The following CELSR1 variants were observed in gnomAD, a reference collection of about 807,000 sequenced individuals.
CELSR1 encodes adhesion G protein-coupled receptor C1.
A neutral mutation model predicts 249.1 loss-of-function variants in CELSR1; 110 were observed. The ratio of observed to expected loss-of-function variants is 0.44; its 90% CI spans 0.38 to 0.52. The LOEUF is 0.52. CELSR1 is among the 20% of genes least tolerant of loss of function. CELSR1 has a pLI of 0.00. For synonymous variants in CELSR1, 2,113 were observed against 1,900.0 expected, an observed-to-expected ratio of 1.11 and a Z score of -2.92; for missense variants, 4,109 against 4,296.4, an observed-to-expected ratio of 0.96 and a Z score of 1.22.
In CELSR1 at chr22:46,453,827, G is replaced by A. The variant is rs1046356420; in HGVS notation, c.4183+9880C>T. Among the ~76,000 whole-genome samples the A allele has an allele frequency of 2.6e-5, 4 of 152,312 alleles. No individual in the cohort carries two copies. The East Asian group carries it at 7.7e-4, about 29-fold the overall frequency. On this transcript the variant is annotated intron_variant, in intron 2 of 34. Coordinates refer to ENST00000674500, the MANE Select transcript of CELSR1 (RefSeq NM_001378328.1). ...CACCACAGCGCCGATGGTGGGACCTGCTCACTACGCATGCCTTCAACAAAT... is the reference window on the plus strand; with the variant it reads ...CACCACAGCGCCGATGGTGGGACCTACTCACTACGCATGCCTTCAACAAAT...
chr22:46,408,949 CG>C lies in CELSR1; in HGVS notation c.5226+46del. 2 of 1,503,256 alleles carry C rather than the reference CG, an allele frequency of 1.3e-6. No individual in the cohort carries two copies. Among genetic ancestry groups the C allele is most frequent in the Admixed American group, 2.2e-5 (1 of 46,062 alleles). 93.1% of individuals were successfully genotyped at this position (1,503,256 alleles called of 1,614,324 possible). A position where few individuals can be genotyped will look rare whatever the true frequency, so the allele number is the denominator to read the frequency against. The stretch of plus-strand genomic sequence containing the variant: ...AAGCCCAGCGCCTGGGTCCCTCCCT[CG>C]GGCACCCACCTAGCAGGTGCCTTGG... On this transcript the variant is annotated intron_variant, in intron 9 of 34. Coordinates refer to ENST00000674500, the MANE Select transcript of CELSR1 (RefSeq NM_001378328.1). This position sits in a 1 kb window ranked among gnomAD's most constrained non-coding sequence, Gnocchi z 4.6.
At chr22:46,459,961 C>T (rs922817182) in intron 2 of CELSR1, among the ~76,000 whole-genome samples, 2 of 152,216 alleles carry the variant, frequency 1.3e-5, no homozygotes, top group Non-Finnish European at 2.9e-5. Flanking sequence ...AAACCCAACA[C>T]TTTGGGAGGC....
intron 1 of CELSR1, among the ~76,000 whole-genome samples, chr22:46,493,087 T>C (rs980511757): frequency 6.6e-6 from 1 of 150,432 alleles, no homozygotes; most frequent in African/African-American, 2.4e-5. Flanking sequence ...CTACAAAAAA[T>C]AAAAGTAAAA....
chr22:46,460,211 A>ACACCCCCCCC (rs1555922665), intron 2 of CELSR1, among the ~76,000 whole-genome samples: 12 of 148,976 alleles, frequency 8.1e-5, no homozygotes, highest in African/African-American at 3.0e-4. Context: ...ACACACACAC[A>ACACCCCCCCC]CACACCCATT....
At chr22:46,364,413 C>CT (rs2078742968) in intron 33 of CELSR1, 99 bp downstream of exon 33, 5 of 1,500,140 alleles carry the variant, frequency 3.3e-6, no homozygotes, top group Non-Finnish European at 4.5e-6. Context: ...CAGGCCCTGA[C>CT]TTGCCCCACC....
intron 1 of CELSR1, among the ~76,000 whole-genome samples, chr22:46,508,464 C>T (rs952480084): frequency 6.1e-5 from 9 of 146,888 alleles, no homozygotes; most frequent in Non-Finnish European, 1.1e-4. Context: ...TGTCCCCTCG[C>T]TGTCCCCTCA....
chr22:46,443,967 C>T (rs531865984), intron 2 of CELSR1, among the ~76,000 whole-genome samples: 10 of 152,348 alleles, frequency 6.6e-5, no homozygotes, highest in African/African-American at 2.2e-4. Context: ...ACAAAGCCAC[C>T]GGGAGAGGCT....
chr22:46,452,652 C>T (rs1457230448), intron 2 of CELSR1, among the ~76,000 whole-genome samples: 8 of 152,244 alleles, frequency 5.3e-5, no homozygotes, highest in East Asian at 1.9e-4. Flanking sequence ...CAAGCCAAGG[C>T]GTGGGCCAGG....
chr22:46,421,249 G>T (rs1055834908), intron 5 of CELSR1, among the ~76,000 whole-genome samples: 3 of 152,178 alleles, frequency 2.0e-5, no homozygotes, highest in Non-Finnish European at 4.4e-5. Flanking sequence ...AGAGAGGGGA[G>T]GGAGGCAGCC....
intron 1 of CELSR1, among the ~76,000 whole-genome samples, chr22:46,489,756 G>A (rs1023636663): frequency 5.9e-5 from 9 of 151,886 alleles, no homozygotes; most frequent in Non-Finnish European, 8.8e-5. Flanking sequence ...CTAGCGGGGC[G>A]TGGTGGTGCA....
intron 2 of CELSR1, chr22:46,462,963 A>T (rs1264467379): frequency 6.5e-6 from 3 of 463,832 alleles, no homozygotes; most frequent in Non-Finnish European, 1.3e-5. Flanking sequence ...TCAAGACCCA[A>T]ATGATTAATG....
Position 46,364,705 on chromosome 22 carries a change from G to GCCGGCC in CELSR1, c.8580_8585dup (p.Ala2861_Gly2862dup), listed in dbSNP as rs781212412. ...TCTCAGCCAGGCTCTGGTCGGGCCA[G>GCCGGCC]CCGGCCGGAACGTGGTTGGCCACAG... On this transcript the variant is annotated inframe_insertion, in exon 33 of 35. Transcript: ENST00000674500. The GCCGGCC allele has an allele frequency of 2.5e-6, 4 of 1,612,442 alleles. No individual in the cohort carries two copies. The Admixed American group carries it at 5.0e-5, about 20-fold the overall frequency.
Position 46,399,734 on chromosome 22 carries a change from C to G in CELSR1, c.5395G>C (p.Asp1799His). The change falls in exon 10 of 35, where the codon GAC becomes CAC. Residue 1799 changes from aspartate (D) to histidine (H), a missense_variant. Coordinates refer to ENST00000674500, the MANE Select transcript of CELSR1 (RefSeq NM_001378328.1). This position sits in a 1 kb window ranked among gnomAD's most constrained non-coding sequence, Gnocchi z 5.0. Reference sequence around the variant, plus strand: ...CAGCTCACCTGGTCCATCCCATAGTCCAAGGTCATGGTGACCAGGTGCTTC... The same window carrying G: ...CAGCTCACCTGGTCCATCCCATAGTGCAAGGTCATGGTGACCAGGTGCTTC... ...EMKHLVTMTL[D>H]YGMDQNKADI... 6.2e-7 allele frequency: 1 copy of G among 1,613,988 alleles called. No individual in the cohort carries two copies. The highest frequency in any genetic ancestry group is 8.5e-7 in the Non-Finnish European group (1 of 1,179,884).
chr22:46,470,705 C>T (rs1451170537), intron 1 of CELSR1, among the ~76,000 whole-genome samples: 1 of 152,134 alleles, frequency 6.6e-6, no homozygotes, highest in Non-Finnish European at 1.5e-5. Context: ...CATCTAAACG[C>T]CACCAGTATG....
At position 46,535,121 on chromosome 22, in the gene CELSR1, C is replaced by T. The variant is rs1455216636; in HGVS notation, c.2050G>A (p.Asp684Asn). ...TAGGTGGGCTGCGTGAACACCGGGT[C>T]GTTGTCATTCACGTCCAGCACCGTG... ...SITVLDVNDNDPVFTQPTYEL... is the reference protein window; with the variant it reads ...SITVLDVNDNNPVFTQPTYEL... The change falls in exon 1 of 35, where the codon GAC becomes AAC. Residue 684 changes from aspartate to asparagine, a missense_variant. Asp to Asn is a conservative substitution (Grantham distance 23). Transcript: ENST00000674500. 3.1e-6 allele frequency: 5 copies of T among 1,611,368 alleles called. No individual in the cohort carries two copies. The South Asian group carries it at 3.3e-5, about 11-fold the overall frequency.
Position 46,535,714 on chromosome 22 carries a change from C to T in CELSR1, c.1457G>A (p.Arg486Gln). ...TAVLRVQATD[R>Q]DQGQNAAIHY... ...AATGGCCGCGTTCTGGCCCTGGTCC[C>T]GGTCCGTGGCCTGCACTCGCAGCAC... The change falls in exon 1 of 35, where the codon CGG (arginine) becomes CAG (glutamine). Residue 486 changes from arginine to glutamine, a missense_variant. By Grantham distance (43) the Arg-to-Gln change is conservative (BLOSUM62 1). Around this residue, in one of 7 missense-constraint regions of CELSR1, gnomAD observed 135 missense variants for 190.0 expected, o/e 0.71. Coordinates refer to ENST00000674500, the MANE Select transcript of CELSR1 (RefSeq NM_001378328.1). 2 of 1,612,760 alleles carry T rather than the reference C, an allele frequency of 1.2e-6. No individual in the cohort carries two copies. Among genetic ancestry groups the T allele is most frequent in the Non-Finnish European group, 8.5e-7 (1 of 1,180,018 alleles).
In CELSR1 at chr22:46,428,663, C is replaced by T. The variant is rs1312708179; in HGVS notation, c.4611+4730G>A. Reference sequence around the variant, plus strand: ...AACAGGCCTCACAATGAAGGGTCATCGTCCCCAAGGGGCGGCAGTGCCCAG... The same window carrying T: ...AACAGGCCTCACAATGAAGGGTCATTGTCCCCAAGGGGCGGCAGTGCCCAG... On this transcript the variant is annotated intron_variant, in intron 5 of 34. Coordinates refer to ENST00000674500, the MANE Select transcript of CELSR1 (RefSeq NM_001378328.1). The surrounding 1 kb of genome is among the most constrained non-coding windows in gnomAD (Gnocchi z 5.7). Among the ~76,000 whole-genome samples the T allele has an allele frequency of 6.6e-6, 1 of 152,246 alleles. No individual in the cohort carries two copies. The highest frequency in any genetic ancestry group is 1.5e-5 in the Non-Finnish European group (1 of 68,046).
Position 46,437,305 on chromosome 22 carries a change from G to A in CELSR1, c.4407-1016C>T, listed in dbSNP as rs900964487. Among the ~76,000 whole-genome samples the A allele has an allele frequency of 1.3e-5, 2 of 152,212 alleles. No individual in the cohort carries two copies. Among genetic ancestry groups the A allele is most frequent in the Admixed American group, 6.5e-5 (1 of 15,286 alleles). ...GAGAACTTGGCAACCTCCTGAGTGAGCTTGGGACTGGCTCCTGAGCTGGCT... is the reference window on the plus strand; with the variant it reads ...GAGAACTTGGCAACCTCCTGAGTGAACTTGGGACTGGCTCCTGAGCTGGCT... On this transcript the variant is annotated intron_variant, in intron 3 of 34. Coordinates refer to ENST00000674500, the MANE Select transcript of CELSR1 (RefSeq NM_001378328.1). This position sits in a 1 kb window ranked among gnomAD's most constrained non-coding sequence, Gnocchi z 4.9.
At chr22:46,371,132 C>T in intron 25 of CELSR1, among the ~76,000 whole-genome samples, 1 of 152,330 alleles carries the variant, frequency 6.6e-6, no homozygotes. Context: ...CCCCGCCCAA[C>T]CTGCCCCCAC....
Sources: allele counts gnomAD v4.1 joint callset (sites outside exome capture counted in the v4.1 genomes callset), GRCh38; gene constraint gnomAD v4.1.1; regional missense constraint gnomAD v4.1.1; non-coding constraint Gnocchi (gnomAD v3.1); transcripts MANE v1.5; gene names NCBI Gene and HGNC (gene_info 2026-07-23, HGNC 2026-07-21).